CACNB2: variants seen among roughly 807,000 people sequenced by gnomAD.
The protein encoded by CACNB2 is voltage-dependent L-type calcium channel subunit beta-2.
A neutral mutation model predicts 73.3 loss-of-function variants in CACNB2; 42 were observed. The observed-to-expected ratio is 0.57, with a 90% CI of 0.45 to 0.74. The LOEUF is 0.74. Ranked by LOEUF, CACNB2 falls within the 30% of genes least tolerant of loss-of-function variation. The probability of loss-of-function intolerance (pLI) is 0.00; values close to 1 mark genes in which losing one functional copy is unlikely to be tolerated. For missense variants in CACNB2, 940 were observed against 853.0 expected (o/e 1.10, Z -1.27); for synonymous variants, 348 against 310.3 (o/e 1.12, Z -1.28).
At chr10:18,335,462 G>T (rs775917289) in intron 2 of CACNB2, among the ~76,000 whole-genome samples, 15 of 152,274 alleles carry the variant, frequency 9.9e-5, no homozygotes, top group Middle Eastern at 3.4e-3. Context: ...GCATGGCGGA[G>T]CATGCCTTTA....
At chr10:18,219,183 T>A (rs1432139343) in intron 2 of CACNB2, among the ~76,000 whole-genome samples, 2 of 119,254 alleles carry the variant, frequency 1.7e-5, no homozygotes, top group Non-Finnish European at 3.4e-5. Context: ...AAAAAATACT[T>A]CTACCTCCAG....
chr10:18,358,051 G>T (rs2041993652), intron 2 of CACNB2, among the ~76,000 whole-genome samples: 1 of 152,160 alleles, frequency 6.6e-6, no homozygotes, highest in African/African-American at 2.4e-5. Context: ...TGAATGGAAA[G>T]GAATACGCAG....
intron 2 of CACNB2, among the ~76,000 whole-genome samples, chr10:18,372,820 G>A (rs1030016076): frequency 1.1e-4 from 17 of 152,196 alleles, no homozygotes; most frequent in African/African-American, 4.1e-4. Context: ...TTGTAAGGTC[G>A]CTGAAGACCA....
At chr10:18,494,386 T>G (rs573682005) in intron 3 of CACNB2, among the ~76,000 whole-genome samples, 30 of 152,200 alleles carry the variant, frequency 2.0e-4, no homozygotes, top group African/African-American at 7.0e-4. Flanking sequence ...TCCCAGCACT[T>G]TGGGAGGCCG....
intron 2 of CACNB2, among the ~76,000 whole-genome samples, chr10:18,175,322 A>C (rs1418857718): frequency 6.6e-6 from 1 of 152,220 alleles, no homozygotes; most frequent in Admixed American, 6.5e-5. Context: ...GAAAATGGAA[A>C]AGAAAGATCT....
intron 4 of CACNB2, among the ~76,000 whole-genome samples, chr10:18,499,442 C>T (rs1322374129): frequency 6.6e-6 from 1 of 151,800 alleles, no homozygotes; most frequent in Admixed American, 6.6e-5. Context: ...ATGGTGAACC[C>T]CGTCTCCACT....
At chr10:18,400,837 T>G (rs752856118) in intron 2 of CACNB2, 8 of 1,461,108 alleles carry the variant, frequency 5.5e-6, no homozygotes, top group Non-Finnish European at 7.2e-6. Flanking sequence ...CCTCCTGGAA[T>G]GGGAAAATAA....
Position 18,506,677 on chromosome 10 carries a change from G to A in CACNB2, c.670+130G>A, listed in dbSNP as rs1317505581. On this transcript the variant is annotated intron_variant, in intron 6 of 13. Transcript: ENST00000324631. ...CTACAGATGTTAAAAGGAATCAGAAGTGAGCATGCCCTTTTGGAGTTACAA... is the reference window on the plus strand; with the variant it reads ...CTACAGATGTTAAAAGGAATCAGAAATGAGCATGCCCTTTTGGAGTTACAA... The A allele has an allele frequency of 2.0e-5, 14 of 711,380 alleles. No individual in the cohort carries two copies. The East Asian group carries it at 3.5e-4, about 18-fold the overall frequency. 44.1% of individuals were successfully genotyped at this position (711,380 alleles called of 1,614,324 possible). A position where few individuals can be genotyped will look rare whatever the true frequency, so the allele number is the denominator to read the frequency against.
chr10:18,536,755 T>C (rs1180755045), intron 12 of CACNB2, among the ~76,000 whole-genome samples: 6 of 152,186 alleles, frequency 3.9e-5, no homozygotes, highest in Admixed American at 6.5e-5. Context: ...AACTTCACTT[T>C]GTTAATATCC....
rs373618563 is a variant in CACNB2, at chr10:18,258,728, AAAAC to A, written c.213+107764_213+107767del. ...GTGACAAGAGCGAAACTCTGTGTCA[AAAAC>A]AAACAAACAAGCAAACAAAAAACAA... On this transcript the variant is annotated intron_variant, in intron 2 of 13. Transcript: ENST00000324631. Among the ~76,000 whole-genome samples, 61 of 152,316 alleles carry A rather than the reference AAAAC, an allele frequency of 4.0e-4. No individual in the cohort carries two copies. In the East Asian group the frequency reaches 7.1e-3, roughly 18 times the overall value.
chr10:18,345,152 C>T (rs1035702644), intron 2 of CACNB2, among the ~76,000 whole-genome samples: 3 of 152,216 alleles, frequency 2.0e-5, no homozygotes, highest in South Asian at 4.2e-4. Context: ...TTTTCAGCTC[C>T]ATTAAATAAC....
intron 2 of CACNB2, chr10:18,400,915 AC>A: frequency 6.4e-7 from 1 of 1,567,334 alleles, no homozygotes; most frequent in Non-Finnish European, 8.6e-7. Context: ...GGGACGGAGA[AC>A]AGGGGCTTGC....
chr10:18,212,487 A>T (rs1311269149), intron 2 of CACNB2, among the ~76,000 whole-genome samples: 1 of 152,124 alleles, frequency 6.6e-6, no homozygotes, highest in Admixed American at 6.6e-5. Flanking sequence ...CTGCATTTTC[A>T]TGAATATGAG....
intron 2 of CACNB2, among the ~76,000 whole-genome samples, chr10:18,164,779 A>G (rs901209243): frequency 1.3e-5 from 2 of 152,114 alleles, no homozygotes; most frequent in East Asian, 1.9e-4. Flanking sequence ...GGAGGTGTCT[A>G]CATTTTATTA....
chr10:18,421,621 T>C (rs2045329046), intron 3 of CACNB2, among the ~76,000 whole-genome samples: 1 of 152,002 alleles, frequency 6.6e-6, no homozygotes, highest in African/African-American at 2.4e-5. Context: ...TTTTAAAAGG[T>C]TTTTTAAGTG....
intron 2 of CACNB2, among the ~76,000 whole-genome samples, chr10:18,292,265 C>G (rs758916364): frequency 6.6e-6 from 1 of 152,114 alleles, no homozygotes; most frequent in Non-Finnish European, 1.5e-5. Context: ...TTTTACGTAT[C>G]TAAGTAATTG....
intron 2 of CACNB2, among the ~76,000 whole-genome samples, chr10:18,235,729 G>C (rs1683130383): frequency 6.6e-6 from 1 of 152,124 alleles, no homozygotes; most frequent in South Asian, 2.1e-4. Flanking sequence ...CTAGAGCTTT[G>C]ACTGTATGAG....
chr10:18,340,586 A>T (rs1292264279), intron 2 of CACNB2: 1 of 753,066 alleles, frequency 1.3e-6, no homozygotes, highest in Non-Finnish European at 1.8e-6. Context: ...ATACTAATGA[A>T]GTGTTACTGT....
In CACNB2 at chr10:18,285,806, G is replaced by A. The variant is rs144043720; in HGVS notation, c.214-116118G>A. On this transcript the variant is annotated intron_variant, in intron 2 of 13. Coordinates refer to ENST00000324631, the MANE Select transcript of CACNB2 (RefSeq NM_201596.3). ...CTTACTTTTGACATACTATAAACTC[G>A]ATCCTTTCAAATAGCTTTATGGAAT... is the stretch of plus-strand genomic sequence containing the variant. 4.3e-3 allele frequency among the ~76,000 whole-genome samples: 654 copies of A among 151,992 alleles called. 16 individuals carry two copies. In the South Asian group the frequency reaches 0.055, roughly 13 times the overall value.
Sources: allele counts gnomAD v4.1 joint callset (sites outside exome capture counted in the v4.1 genomes callset), GRCh38; gene constraint gnomAD v4.1.1; transcripts MANE v1.5; gene names NCBI Gene and HGNC (gene_info 2026-07-23, HGNC 2026-07-21).